Variants in ARHGAP35 observed in about 807,000 individuals in gnomAD.
The protein encoded by ARHGAP35 is Rho GTPase activating protein 35.
In ARHGAP35, 15 loss-of-function variants were observed where a neutral mutation model predicts 111.1. That is an observed-to-expected ratio of 0.13 (90% confidence interval 0.09 to 0.21). ARHGAP35 has a LOEUF of 0.21. ARHGAP35 is among the 10% of genes least tolerant of loss of function. The probability of loss-of-function intolerance (pLI) is 1.00; values close to 1 mark genes in which losing one functional copy is unlikely to be tolerated. For synonymous variants in ARHGAP35, 643 were observed against 710.3 expected (o/e 0.91, Z 1.51); for missense variants, 1,262 against 1,873.0 (o/e 0.67, Z 6.02).
chr19:46,920,446 T>C lies in ARHGAP35; in HGVS notation c.1771T>C (p.Ser591Pro). Reference protein sequence around the residue: ...PSDRNQKNSLSDPNIDRINLV... With the variant: ...PSDRNQKNSLPDPNIDRINLV... ...TGACCGGAATCAGAAAAATTCACTC[T>C]CTGACCCTAACATTGATAGAATCAA... is the stretch of plus-strand genomic sequence containing the variant. Residue 591 changes from serine to proline, a missense_variant, in exon 2 of 7, where the codon TCT (serine) becomes CCT (proline). Transcript: ENST00000672722. This position sits in a 1 kb window ranked among gnomAD's most constrained non-coding sequence, Gnocchi z 7.0. The C allele has an allele frequency of 6.2e-7, 1 of 1,613,904 alleles. No individual in the cohort carries two copies. Among genetic ancestry groups the C allele is most frequent in the Non-Finnish European group, 8.5e-7 (1 of 1,179,772 alleles).
intron 1 of ARHGAP35, among the ~76,000 whole-genome samples, chr19:46,867,388 A>G (rs2122854554): frequency 6.6e-6 from 1 of 152,310 alleles, no homozygotes; most frequent in Admixed American, 6.5e-5. Context: ...ACTGTAGTAA[A>G]CTGGTAATTG....
In ARHGAP35 at chr19:46,921,955, G is replaced by GAACCCA; in HGVS notation, c.3280_3281insAACCCA (p.Val1094delinsGluProMet). 2 of 1,614,036 alleles carry GAACCCA rather than the reference G, an allele frequency of 1.2e-6. No individual in the cohort carries two copies. Among genetic ancestry groups the GAACCCA allele is most frequent in the Non-Finnish European group, 1.7e-6 (2 of 1,179,898 alleles). ...TGACTATGCTGAACCCATGGATGCT[G>GAACCCA]TGGTGAAGCCAAGGAATGAAGAAGA... On this transcript the variant is annotated protein_altering_variant, in exon 2 of 7. Transcript: ENST00000672722. This position sits in a 1 kb window ranked among gnomAD's most constrained non-coding sequence, Gnocchi z 4.3.
chr19:46,999,080 C>T lies in ARHGAP35; in HGVS notation c.4037-224C>T. On this transcript the variant is annotated intron_variant, in intron 5 of 6. Transcript: ENST00000672722. The surrounding 1 kb of genome is among the most constrained non-coding windows in gnomAD (Gnocchi z 5.4). Reference sequence around the variant, plus strand: ...GCCAGGAAGCCCCAGGCACACAGTGCCGCCCTTCAGCGGGGGCCTGGGACA... The same window carrying T: ...GCCAGGAAGCCCCAGGCACACAGTGTCGCCCTTCAGCGGGGGCCTGGGACA... 3 of 551,044 alleles carry T rather than the reference C, an allele frequency of 5.4e-6. No individual in the cohort carries two copies. Among genetic ancestry groups the T allele is most frequent in the Non-Finnish European group, 6.5e-6 (2 of 309,600 alleles). The allele number at this position is 551,044 out of a possible 1,614,324, so 34.1% of individuals were successfully genotyped here. A position where few individuals can be genotyped will look rare whatever the true frequency, so the allele number is the denominator to read the frequency against.
chr19:46,879,897 C>T (rs1374894160), intron 1 of ARHGAP35, among the ~76,000 whole-genome samples: 2 of 151,606 alleles, frequency 1.3e-5, no homozygotes, highest in Non-Finnish European at 2.9e-5. Context: ...ACCAGCCTGG[C>T]CAACATGGTA....
At chr19:46,972,207 C>T (rs1283114668) in intron 3 of ARHGAP35, among the ~76,000 whole-genome samples, 3 of 152,082 alleles carry the variant, frequency 2.0e-5, no homozygotes, top group Non-Finnish European at 4.4e-5. Flanking sequence ...GATGAGGTTT[C>T]GCCATGTTGG....
chr19:46,956,508 C>G (rs1283880533), intron 3 of ARHGAP35, among the ~76,000 whole-genome samples: 1 of 151,846 alleles, frequency 6.6e-6, no homozygotes. Context: ...CAACCTCCGC[C>G]TCCCATGTTC....
At chr19:46,886,063 G>A (rs1356757249) in intron 1 of ARHGAP35, among the ~76,000 whole-genome samples, 1 of 152,196 alleles carries the variant, frequency 6.6e-6, no homozygotes, top group Non-Finnish European at 1.5e-5. Flanking sequence ...CTTCGGGGAA[G>A]AGCCTTGGAG....
intron 3 of ARHGAP35, among the ~76,000 whole-genome samples, chr19:46,958,845 C>T (rs1033076198): frequency 6.6e-6 from 1 of 152,188 alleles, no homozygotes; most frequent in African/African-American, 2.4e-5. Flanking sequence ...CACTTTCCCA[C>T]GCCCTCATTT....
intron 1 of ARHGAP35, among the ~76,000 whole-genome samples, chr19:46,904,645 T>C (rs2056096572): frequency 6.6e-6 from 1 of 152,228 alleles, no homozygotes; most frequent in South Asian, 2.1e-4. Context: ...TTGTTTTTCC[T>C]GATGCTTATT....
In ARHGAP35 at chr19:46,863,959, A is replaced by C. The variant is rs571877327; in HGVS notation, c.-189+2750A>C. Reference sequence around the variant, plus strand: ...GCACTTTGCGGTTGTTTGTTGAAAGAGAGAGTGCCAAATGTCACTCAGATT... The same window carrying C: ...GCACTTTGCGGTTGTTTGTTGAAAGCGAGAGTGCCAAATGTCACTCAGATT... On this transcript the variant is annotated intron_variant, in intron 1 of 6. Transcript: ENST00000672722. 5.9e-5 allele frequency among the ~76,000 whole-genome samples: 9 copies of C among 152,354 alleles called. No individual in the cohort carries two copies. In the South Asian group the frequency reaches 1.7e-3, roughly 28 times the overall value.
At chr19:46,880,757 C>CT (rs1327465713) in intron 1 of ARHGAP35, among the ~76,000 whole-genome samples, 20 of 152,022 alleles carry the variant, frequency 1.3e-4, no homozygotes, top group African/African-American at 4.8e-4. Context: ...GCTACTGCAA[C>CT]TTTGAACTCC....
At position 46,988,076 on chromosome 19, in the gene ARHGAP35, A is replaced by G. The variant is rs751688052; in HGVS notation, c.3904+10A>G. On this transcript the variant is annotated intron_variant, in intron 4 of 6. Transcript: ENST00000672722. This position sits in a 1 kb window ranked among gnomAD's most constrained non-coding sequence, Gnocchi z 5.4. ...AGACAGTTTGATCAAGGTAAAGTGC[A>G]GCCTGGCCAGGCATCCGAGGCCAGA... The G allele has an allele frequency of 1.2e-6, 2 of 1,612,916 alleles. No individual in the cohort carries two copies. Among genetic ancestry groups the G allele is most frequent in the African/African-American group, 1.3e-5 (1 of 74,926 alleles).
chr19:46,940,109 G>C (rs1049129245), intron 3 of ARHGAP35, among the ~76,000 whole-genome samples: 2 of 151,906 alleles, frequency 1.3e-5, no homozygotes, highest in East Asian at 3.9e-4. Context: ...GGTGGCTCAC[G>C]CTTGTAGTTC....
chr19:46,952,294 G>A (rs1435912428), intron 3 of ARHGAP35, among the ~76,000 whole-genome samples: 1 of 152,226 alleles, frequency 6.6e-6, no homozygotes, highest in Non-Finnish European at 1.5e-5. Context: ...TACATTAATT[G>A]TGCTGTTCAA....
At chr19:46,956,299 T>C (rs1340869187) in intron 3 of ARHGAP35, among the ~76,000 whole-genome samples, 2 of 152,050 alleles carry the variant, frequency 1.3e-5, no homozygotes, top group Non-Finnish European at 2.9e-5. Context: ...ACCTGGGTGA[T>C]AGAGCAAGAC....
At chr19:46,898,972 G>A (rs1172376704) in intron 1 of ARHGAP35, among the ~76,000 whole-genome samples, 3 of 152,218 alleles carry the variant, frequency 2.0e-5, no homozygotes, top group African/African-American at 4.8e-5. Flanking sequence ...GAAAAAAGTG[G>A]TGTTATCCTT....
At chr19:46,982,473 T>C (rs559244702) in intron 3 of ARHGAP35, among the ~76,000 whole-genome samples, 1 of 148,566 alleles carries the variant, frequency 6.7e-6, no homozygotes, top group South Asian at 2.1e-4. Context: ...TGAGACTTTG[T>C]CTCAAAAAAA....
At chr19:46,969,982 C>T (rs1011590773) in intron 3 of ARHGAP35, among the ~76,000 whole-genome samples, 8 of 152,242 alleles carry the variant, frequency 5.3e-5, no homozygotes, top group Admixed American at 2.0e-4. Flanking sequence ...TCTGTTTCCC[C>T]TACTGAACTG....
intron 1 of ARHGAP35, among the ~76,000 whole-genome samples, chr19:46,916,170 G>A (rs2056162251): frequency 6.6e-6 from 1 of 151,982 alleles, no homozygotes; most frequent in Non-Finnish European, 1.5e-5. Context: ...TCCTGACCTC[G>A]TGATGCATCC....
Sources: gnomAD v4.1 joint callset for allele counts (sites outside exome capture counted in the v4.1 genomes callset) on GRCh38, gnomAD v4.1.1 for gene constraint, Gnocchi (gnomAD v3.1) non-coding constraint, MANE v1.5 for transcripts, NCBI Gene and HGNC (gene_info 2026-07-23, HGNC 2026-07-21) for gene names.